SLC25A12: variants seen among roughly 807,000 people sequenced by gnomAD.
SLC25A12 encodes the protein electrogenic aspartate/glutamate antiporter SLC25A12, mitochondrial.
A neutral mutation model predicts 83.3 loss-of-function variants in SLC25A12; 32 were observed. The observed-to-expected ratio is 0.38, with a 90% CI of 0.29 to 0.52. The LOEUF (loss-of-function observed/expected upper bound fraction) is 0.52. Ranked by LOEUF, SLC25A12 falls within the 20% of genes least tolerant of loss-of-function variation. The pLI is 0.84. For synonymous variants in SLC25A12, 267 were observed against 291.1 expected, an observed-to-expected ratio of 0.92 and a Z score of 0.84; for missense variants, 611 against 835.6, an observed-to-expected ratio of 0.73 and a Z score of 3.31.
chr2:171,832,295 A>G (rs1293931534), intron 8 of SLC25A12, among the ~76,000 whole-genome samples: 3 of 152,138 alleles, frequency 2.0e-5, no homozygotes, highest in Non-Finnish European at 4.4e-5. Context: ...AACTACCTCC[A>G]CTGGAAAAAT....
In SLC25A12 at chr2:171,787,587, T is replaced by A. The variant is rs1690512314; in HGVS notation, c.1819A>T (p.Ile607Phe). ...CTGACTTACAGGCCTCCAAAATCAA[T>A]GTAAAACCACCGCTGGAGAAGTTCA... ...TYELLQRWFY[I>F]DFGGLKPAGS... is the part of the protein sequence containing the mutation. Residue 607 changes from isoleucine (I) to phenylalanine (F), a missense_variant, in exon 17 of 18, where the codon ATT (isoleucine) becomes TTT (phenylalanine). Physicochemically the swap from Ile to Phe is conservative, Grantham distance 21. Coordinates refer to ENST00000422440, the MANE Select transcript of SLC25A12 (RefSeq NM_003705.5). 6.2e-7 allele frequency: 1 copy of A among 1,613,844 alleles called. No individual in the cohort carries two copies. The highest frequency in any genetic ancestry group is 8.5e-7 in the Non-Finnish European group (1 of 1,179,784).
chr2:171,826,935 C>T (rs1243778088), intron 8 of SLC25A12, 53 bp from the exon 9 acceptor site: 6 of 884,726 alleles, frequency 6.8e-6, no homozygotes, highest in South Asian at 5.5e-5. Flanking sequence ...CTCCTCACGC[C>T]AAAATCATCT....
intron 2 of SLC25A12, among the ~76,000 whole-genome samples, chr2:171,878,569 C>G (rs1031611250): frequency 6.6e-6 from 1 of 152,140 alleles, no homozygotes; most frequent in Admixed American, 6.6e-5. Flanking sequence ...ACCACGAGAT[C>G]GGTCCTGACT....
intron 4 of SLC25A12, among the ~76,000 whole-genome samples, chr2:171,847,107 T>C (rs1378655871): frequency 6.6e-6 from 1 of 152,190 alleles, no homozygotes; most frequent in Non-Finnish European, 1.5e-5. Context: ...ATCATTATTA[T>C]ATGCTGTGGT....
At chr2:171,843,700 A>G (rs1684730598) in intron 5 of SLC25A12, among the ~76,000 whole-genome samples, 1 of 152,058 alleles carries the variant, frequency 6.6e-6, no homozygotes, top group South Asian at 2.1e-4. Flanking sequence ...AGGATTACTG[A>G]TCTAAGCAGA....
chr2:171,890,973 G>A (rs755050251), intron 2 of SLC25A12, among the ~76,000 whole-genome samples: 7 of 152,102 alleles, frequency 4.6e-5, no homozygotes, highest in Non-Finnish European at 8.8e-5. Flanking sequence ...AGATAATGAC[G>A]ATATGCAAAA....
At chr2:171,892,383 G>T (rs531146336) in intron 2 of SLC25A12, among the ~76,000 whole-genome samples, 1 of 151,926 alleles carries the variant, frequency 6.6e-6, no homozygotes, top group Admixed American at 6.6e-5. Context: ...CCACCACCAC[G>T]CCCGGCTAAT....
chr2:171,796,644 A>ATT (rs879827483), intron 13 of SLC25A12, among the ~76,000 whole-genome samples: 1 of 147,244 alleles, frequency 6.8e-6, no homozygotes, highest in Admixed American at 6.8e-5. Context: ...ATCTCTTAAA[A>ATT]TTTTTTTTTT....
intron 12 of SLC25A12, 67 bp downstream of exon 12, chr2:171,810,157 G>C (rs991543655): frequency 9.9e-6 from 14 of 1,420,110 alleles, no homozygotes; most frequent in African/African-American, 1.4e-5. Flanking sequence ...GCCTAGCCTT[G>C]ATTTTAGCTT....
At chr2:171,800,366 A>C (rs1158240725) in intron 13 of SLC25A12, among the ~76,000 whole-genome samples, 2 of 151,998 alleles carry the variant, frequency 1.3e-5, no homozygotes, top group Non-Finnish European at 1.5e-5. Context: ...AATAGCCAAT[A>C]AACACATGAA....
intron 2 of SLC25A12, among the ~76,000 whole-genome samples, chr2:171,877,280 G>C (rs996203303): frequency 6.6e-6 from 1 of 152,150 alleles, no homozygotes; most frequent in African/African-American, 2.4e-5. Flanking sequence ...CAAGCCAACA[G>C]ATCAACATAC....
intron 9 of SLC25A12, among the ~76,000 whole-genome samples, chr2:171,821,757 T>C (rs1176312567): frequency 2.0e-5 from 3 of 152,228 alleles, no homozygotes. Flanking sequence ...ATTTAAATTA[T>C]TGCAAATATC....
chr2:171,795,840 A>G (rs1683586247), intron 13 of SLC25A12, among the ~76,000 whole-genome samples: 1 of 130,252 alleles, frequency 7.7e-6, no homozygotes, highest in South Asian at 2.3e-4. Context: ...ATTGAGATTT[A>G]TACTCCTTTA....
chr2:171,887,736 G>A (rs1685849961), intron 2 of SLC25A12, among the ~76,000 whole-genome samples: 1 of 152,174 alleles, frequency 6.6e-6, no homozygotes, highest in South Asian at 2.1e-4. Context: ...AGTTGTAAGG[G>A]TGGTAATGGT....
At chr2:171,865,202 T>C (rs909593526) in intron 3 of SLC25A12, among the ~76,000 whole-genome samples, 2 of 152,202 alleles carry the variant, frequency 1.3e-5, no homozygotes, top group African/African-American at 4.8e-5. Flanking sequence ...TACTTGGTTA[T>C]TTGGAACTCG....
intron 4 of SLC25A12, among the ~76,000 whole-genome samples, chr2:171,846,211 G>C (rs533870684): frequency 2.0e-4 from 30 of 151,360 alleles, no homozygotes; most frequent in African/African-American, 6.8e-4. Context: ...TCATCTTCAA[G>C]TTAAAAAAAA....
chr2:171,888,657 GGTCTCAA>G (rs1685873891), intron 2 of SLC25A12, among the ~76,000 whole-genome samples: 1 of 151,846 alleles, frequency 6.6e-6, no homozygotes, highest in Admixed American at 6.6e-5. Context: ...TGCCCAGGCT[GGTCTCAA>G]ACTCCTGACC....
chr2:171,880,993 T>C (rs559095988), intron 2 of SLC25A12, among the ~76,000 whole-genome samples: 149 of 152,354 alleles, frequency 9.8e-4, no homozygotes, highest in Non-Finnish European at 1.8e-3. Flanking sequence ...ATGGGAATAC[T>C]AATCGTTCCT....
intron 2 of SLC25A12, among the ~76,000 whole-genome samples, chr2:171,888,600 T>C (rs147735028): frequency 9.9e-4 from 150 of 151,350 alleles, no homozygotes; most frequent in Middle Eastern, 3.4e-3. Flanking sequence ...CGCTACCACA[T>C]CTGGCTAATT....
Sources: gnomAD v4.1 joint callset for allele counts (sites outside exome capture counted in the v4.1 genomes callset) on GRCh38, gnomAD v4.1.1 for gene constraint, MANE v1.5 for transcripts, NCBI Gene and HGNC (gene_info 2026-07-23, HGNC 2026-07-21) for gene names.